RORA: variants seen among roughly 807,000 people sequenced by gnomAD.
RORA encodes nuclear receptor ROR-alpha.
Under a neutral mutation model 69.5 loss-of-function variants are expected in RORA, and 7 were observed. The observed-to-expected ratio is 0.10, with a 90% confidence interval of 0.06 to 0.19. The LOEUF (loss-of-function observed/expected upper bound fraction) is 0.19, where lower values mean the gene tolerates loss of function less well. Among genes scored for constraint, RORA ranks in the 10% least tolerant of loss-of-function variants. The pLI is 1.00. For synonymous variants in RORA, 261 were observed against 240.8 expected, an observed-to-expected ratio of 1.08 and a Z score of -0.78; for missense variants, 457 against 663.0, an observed-to-expected ratio of 0.69 and a Z score of 3.41.
At chr15:61,146,908 G>A (rs1406708705) in intron 1 of RORA, among the ~76,000 whole-genome samples, 1 of 152,052 alleles carries the variant, frequency 6.6e-6, no homozygotes, top group Non-Finnish European at 1.5e-5. Context: ...CAGGGTAGAG[G>A]CAGTAAAATA....
intron 1 of RORA, among the ~76,000 whole-genome samples, chr15:60,804,050 G>A (rs1277941856): frequency 1.3e-5 from 2 of 152,058 alleles, no homozygotes; most frequent in Non-Finnish European, 2.9e-5. Flanking sequence ...AACACTTTGA[G>A]AGGCCAAGGT....
chr15:60,569,052 T>C (rs180947529), intron 2 of RORA, among the ~76,000 whole-genome samples: 1 of 151,994 alleles, frequency 6.6e-6, no homozygotes. Context: ...TTTTCACACC[T>C]CTATCTTCTG....
chr15:60,920,870 G>A (rs951428707), intron 1 of RORA, among the ~76,000 whole-genome samples: 9 of 152,154 alleles, frequency 5.9e-5, no homozygotes, highest in African/African-American at 2.2e-4. Context: ...AACTACAGAT[G>A]CAGGACACCT....
At chr15:60,503,949 C>T (rs911936595) in intron 6 of RORA, among the ~76,000 whole-genome samples, 8 of 152,022 alleles carry the variant, frequency 5.3e-5, no homozygotes, top group African/African-American at 1.9e-4. Flanking sequence ...ATTAGAGGCA[C>T]CTGCCACCAC....
At position 60,577,673 on chromosome 15, in the gene RORA, G is replaced by C. The variant is rs918928160; in HGVS notation, c.197-45822C>G. Among the ~76,000 whole-genome samples, 5 of 148,396 alleles carry C rather than the reference G, an allele frequency of 3.4e-5. No individual in the cohort carries two copies. The South Asian group carries it at 8.5e-4, about 25-fold the overall frequency. On this transcript the variant is annotated intron_variant, in intron 2 of 10. Coordinates refer to ENST00000335670, the MANE Select transcript of RORA (RefSeq NM_134261.3). ...AAAAAAAAAAAAAAAGCTGCAAACA[G>C]CTTTTGTTTTTGTAGGTTATACATC...
intron 1 of RORA, among the ~76,000 whole-genome samples, chr15:60,888,965 T>C (rs2073782006): frequency 6.6e-6 from 1 of 152,136 alleles, no homozygotes; most frequent in African/African-American, 2.4e-5. Flanking sequence ...AGAAAAACAA[T>C]GCGTCTTCAA....
intron 1 of RORA, among the ~76,000 whole-genome samples, chr15:61,023,517 G>A (rs899057200): frequency 2.0e-5 from 3 of 152,164 alleles, no homozygotes; most frequent in Non-Finnish European, 4.4e-5. Flanking sequence ...CAACACGTGA[G>A]AATTATGGGA....
intron 1 of RORA, among the ~76,000 whole-genome samples, chr15:60,860,506 C>A (rs959700935): frequency 1.3e-5 from 2 of 152,176 alleles, no homozygotes; most frequent in Non-Finnish European, 2.9e-5. Context: ...TGTCCCTTTA[C>A]GATGGCTGAA....
chr15:60,847,706 T>A (rs1021241857), intron 1 of RORA: 1 of 152,192 alleles, frequency 6.6e-6, no homozygotes, highest in African/African-American at 2.4e-5. Flanking sequence ...ATCGTATTAA[T>A]AAGTTTTCCA....
rs1041656063 is a variant in RORA at position 61,226,438 on chromosome 15, A to T, written c.166+2615T>A. Among the ~76,000 whole-genome samples, 1 of 152,196 alleles carries T rather than the reference A, an allele frequency of 6.6e-6. No individual in the cohort carries two copies. Among genetic ancestry groups the T allele is most frequent in the Non-Finnish European group, 1.5e-5 (1 of 68,042 alleles). ...TCTTTCCGATATTGTAATTTATGCA[A>T]CATTAATACTGGATGCCAGCTCCAA... On this transcript the variant is annotated intron_variant, in intron 1 of 10. Transcript: ENST00000335670. This position sits in a 1 kb window ranked among gnomAD's most constrained non-coding sequence, Gnocchi z 4.2.
At chr15:60,938,358 A>G (rs1254897710) in intron 1 of RORA, among the ~76,000 whole-genome samples, 1 of 152,226 alleles carries the variant, frequency 6.6e-6, no homozygotes, top group African/African-American at 2.4e-5. Context: ...ATTAATAAAG[A>G]TGATCATTGT....
At chr15:60,744,701 G>T (rs550983139) in intron 1 of RORA, among the ~76,000 whole-genome samples, 2 of 152,236 alleles carry the variant, frequency 1.3e-5, no homozygotes, top group East Asian at 1.9e-4. Context: ...ACTGAGGAAG[G>T]CCCCTTGGAC....
chr15:61,196,548 G>A (rs1269514503), intron 1 of RORA, among the ~76,000 whole-genome samples: 3 of 152,270 alleles, frequency 2.0e-5, no homozygotes, highest in Non-Finnish European at 4.4e-5. Context: ...GATTCTCAGA[G>A]AGTACATGAG....
At chr15:60,729,304 C>T (rs937332086) in intron 1 of RORA, among the ~76,000 whole-genome samples, 7 of 152,150 alleles carry the variant, frequency 4.6e-5, no homozygotes, top group Non-Finnish European at 7.3e-5. Flanking sequence ...CTCAGTCTTT[C>T]GATCACTTTC....
intron 1 of RORA, among the ~76,000 whole-genome samples, chr15:60,996,738 G>A (rs914305899): frequency 8.6e-5 from 13 of 151,932 alleles, no homozygotes; most frequent in Non-Finnish European, 1.2e-4. Flanking sequence ...GTGAAACCCC[G>A]TCTCTACTAA....
chr15:60,918,036 C>G (rs118125609), intron 1 of RORA, among the ~76,000 whole-genome samples: 6 of 152,184 alleles, frequency 3.9e-5, no homozygotes, highest in Non-Finnish European at 5.9e-5. Flanking sequence ...TGTCCCTGTA[C>G]GTAACCTCAT....
intron 1 of RORA, among the ~76,000 whole-genome samples, chr15:61,143,505 G>T (rs2140865379): frequency 6.6e-6 from 1 of 152,226 alleles, no homozygotes; most frequent in African/African-American, 2.4e-5. Flanking sequence ...GAAATATAAG[G>T]TTATTAACTC....
intron 1 of RORA, among the ~76,000 whole-genome samples, chr15:61,124,955 T>C (rs545789990): frequency 6.6e-6 from 1 of 152,350 alleles, no homozygotes; most frequent in South Asian, 2.1e-4. Flanking sequence ...TGATCTTTCC[T>C]TATACAACCC....
intron 2 of RORA, chr15:60,544,789 G>T (rs1195540567): frequency 2.0e-5 from 3 of 151,964 alleles, no homozygotes; most frequent in Admixed American, 2.0e-4. Context: ...ATTTCCTATT[G>T]TAATTCACTT....
Sources: allele counts gnomAD v4.1 joint callset (sites outside exome capture counted in the v4.1 genomes callset), GRCh38; gene constraint gnomAD v4.1.1; non-coding constraint Gnocchi (gnomAD v3.1); transcripts MANE v1.5; gene names NCBI Gene and HGNC (gene_info 2026-07-23, HGNC 2026-07-21).